NF1: variants seen among roughly 807,000 people sequenced by gnomAD.
The protein encoded by NF1 is neurofibromin.
NF1 carries 122 observed loss-of-function variants against 325.7 expected under a neutral mutation model. That is an observed-to-expected ratio of 0.37 (90% CI 0.32 to 0.44). The LOEUF is 0.44. Ranked by LOEUF, NF1 falls within the 20% of genes least tolerant of loss-of-function variation. The probability of loss-of-function intolerance (pLI) is 1.00; values close to 1 mark genes in which losing one functional copy is unlikely to be tolerated. For missense variants in NF1, 2,140 were observed against 3,415.4 expected, an observed-to-expected ratio of 0.63 and a Z score of 9.31; for synonymous variants, 1,091 against 1,186.0, an observed-to-expected ratio of 0.92 and a Z score of 1.65.
Position 31,360,651 on chromosome 17 carries a change from C to G in NF1, c.8325C>G (p.Asn2775Lys), listed in dbSNP as rs2151588142. Reference protein sequence around the residue: ...ALQSQLSITANLNLSNSMTSL... With the variant: ...ALQSQLSITAKLNLSNSMTSL... Reference sequence around the variant, plus strand: ...AGAGCCAGCTTAGTATCACTGCCAACCTTAACCTTTCTAATTCCATGACCT... The same window carrying G: ...AGAGCCAGCTTAGTATCACTGCCAAGCTTAACCTTTCTAATTCCATGACCT... The change falls in exon 57 of 58, where the codon AAC (asparagine) becomes AAG (lysine). Residue 2775 changes from asparagine to lysine, a missense_variant. Asn to Lys is a moderately conservative substitution (Grantham distance 94, BLOSUM62 0). Around this residue, in one of 10 missense-constraint regions of NF1, gnomAD observed 522 missense variants for 749.0 expected, o/e 0.70. Coordinates refer to ENST00000358273, the MANE Select transcript of NF1 (RefSeq NM_001042492.3). The G allele has an allele frequency of 6.2e-7, 1 of 1,614,122 alleles. No individual in the cohort carries two copies. Among genetic ancestry groups the G allele is most frequent in the Non-Finnish European group, 8.5e-7 (1 of 1,180,014 alleles).
At chr17:31,286,035 G>A (rs536821587) in intron 36 of NF1, among the ~76,000 whole-genome samples, 133 of 152,180 alleles carry the variant, frequency 8.7e-4, no homozygotes, top group African/African-American at 2.9e-3. Context: ...GTTAATATAC[G>A]AATATTTTTT....
chr17:31,265,390 C>T, intron 36 of NF1, 51 bp downstream of exon 36: 1 of 1,345,074 alleles, frequency 7.4e-7, no homozygotes, highest in Non-Finnish European at 1.1e-6. Context: ...TAAATTATAG[C>T]AAATATAGAG....
intron 57 of NF1, chr17:31,361,081 CAAAAAAAAAAAAAAAAAAA>C (rs60249232): frequency 4.3e-5 from 2 of 46,518 alleles, no homozygotes; most frequent in Admixed American, 3.7e-4. Context: ...CATACTATAT[CAAAAAAAAAAAAAAAAAAA>C]AAAAAAAAGA....
At chr17:31,355,625 G>A (rs1157598454) in intron 51 of NF1, among the ~76,000 whole-genome samples, 1 of 152,204 alleles carries the variant, frequency 6.6e-6, no homozygotes, top group African/African-American at 2.4e-5. Context: ...CAAGGCAGGT[G>A]GATTGCTTGA....
chr17:31,111,617 C>CA (rs1046533917), intron 1 of NF1, among the ~76,000 whole-genome samples: 1 of 151,968 alleles, frequency 6.6e-6, no homozygotes, highest in South Asian at 2.1e-4. Flanking sequence ...TAAATGTTGG[C>CA]AAAAAAACCT....
chr17:31,248,936 A>G (rs1014938927), intron 29 of NF1, 48 bp from the exon 30 acceptor site: 1 of 1,593,818 alleles, frequency 6.3e-7, no homozygotes. Context: ...GATTTTTGTT[A>G]TTTGTTTTAA....
chr17:31,157,584 A>G (rs1041888158), intron 2 of NF1, among the ~76,000 whole-genome samples: 1 of 152,160 alleles, frequency 6.6e-6, no homozygotes, highest in Admixed American at 6.5e-5. Context: ...CACTAGGGTA[A>G]TTAGCATATC....
chr17:31,324,958 A>G (rs2069305103), intron 36 of NF1, among the ~76,000 whole-genome samples: 1 of 152,162 alleles, frequency 6.6e-6, no homozygotes, highest in South Asian at 2.1e-4. Context: ...CATATGGAAA[A>G]CTTTGGGCCT....
intron 10 of NF1, 79 bp downstream of exon 10, chr17:31,201,238 A>G: frequency 6.4e-7 from 1 of 1,571,098 alleles, no homozygotes; most frequent in Non-Finnish European, 8.7e-7. Flanking sequence ...AGAGATTAAT[A>G]GGTTCACTTT....
intron 33 of NF1, among the ~76,000 whole-genome samples, chr17:31,260,117 T>G (rs1228307412): frequency 6.6e-6 from 1 of 152,160 alleles, no homozygotes; most frequent in Non-Finnish European, 1.5e-5. Flanking sequence ...CTTTCCAAAG[T>G]TTCATCCATC....
rs111961806 is a variant in NF1, at chr17:31,143,831, T to C, written c.61-12152T>C. ...TTTCTTTTCTTTTCTTTTTTTTGTT[T>C]TGTTTTTTGAGACAGAGACTCGCTC... On this transcript the variant is annotated intron_variant, in intron 1 of 57. Transcript: ENST00000358273. 3.6e-3 allele frequency among the ~76,000 whole-genome samples: 543 copies of C among 152,178 alleles called. 1 individual carries two copies. Among genetic ancestry groups the C allele is most frequent in the Admixed American group, 7.9e-3 (121 of 15,272 alleles).
chr17:31,205,455 T>C lies in NF1; in HGVS notation c.1261-785T>C, dbSNP rs17885808. ...TATTAAATGATAGACTTTAAAGATA[T>C]AGTGATTTTCACAATTGTCATTTTT... On this transcript the variant is annotated intron_variant, in intron 11 of 57. Transcript: ENST00000358273. 7.0e-3 allele frequency among the ~76,000 whole-genome samples: 1,070 copies of C among 152,282 alleles called. 11 individuals carry two copies. Among genetic ancestry groups the C allele is most frequent in the Middle Eastern group, 0.024 (7 of 294 alleles).
intron 36 of NF1, among the ~76,000 whole-genome samples, chr17:31,312,490 G>A (rs2151518532): frequency 6.7e-6 from 1 of 149,168 alleles, no homozygotes; most frequent in South Asian, 2.1e-4. Context: ...CTGCACACCA[G>A]CCTGGGTGAC....
intron 31 of NF1, among the ~76,000 whole-genome samples, chr17:31,257,364 T>G (rs2067600553): frequency 6.6e-6 from 1 of 152,160 alleles, no homozygotes; most frequent in Non-Finnish European, 1.5e-5. Flanking sequence ...AAGTGTTCTT[T>G]AAAAATGAAC....
chr17:31,358,501 G>A lies in NF1; in HGVS notation c.7992G>A (p.Lys2664=), dbSNP rs1060500377. The change falls in exon 55 of 58, where the codon AAG becomes AAA. Residue 2664 remains lysine (K), a synonymous_variant. Coordinates refer to ENST00000358273, the MANE Select transcript of NF1 (RefSeq NM_001042492.3). ...FPVVHNLLDS[K]INTLLSLCQD... is the part of the protein sequence containing the mutation. ...TTAGGCATAATTTGTTGGACTCTAAGATCAACACCCTGTTATCATTGTGCC... is the reference window on the plus strand; with the variant it reads ...TTAGGCATAATTTGTTGGACTCTAAAATCAACACCCTGTTATCATTGTGCC... 1 of 1,613,600 alleles carries A rather than the reference G, an allele frequency of 6.2e-7. No individual in the cohort carries two copies. Among genetic ancestry groups the A allele is most frequent in the Non-Finnish European group, 8.5e-7 (1 of 1,179,862 alleles).
intron 2 of NF1, among the ~76,000 whole-genome samples, chr17:31,157,758 G>C (rs535114152): frequency 7.1e-6 from 1 of 140,380 alleles, no homozygotes; most frequent in Non-Finnish European, 1.5e-5. Context: ...AGGAGATCAA[G>C]ACCATCCTGT....
At chr17:31,188,036 A>G (rs1597666525) in intron 8 of NF1, among the ~76,000 whole-genome samples, 1 of 152,162 alleles carries the variant, frequency 6.6e-6, no homozygotes, top group South Asian at 2.1e-4. Context: ...TAGTATTACC[A>G]TGTATTGCCA....
rs2067574777 is a variant in NF1, at chr17:31,255,885, G to A, written c.4174-2459G>A. On this transcript the variant is annotated intron_variant, in intron 31 of 57. Coordinates refer to ENST00000358273, the MANE Select transcript of NF1 (RefSeq NM_001042492.3). ...TTTTACTAGCATAAAAAATAAAACAGTATTTTGAAAGCTCTCCATGTGTTT... is the reference window on the plus strand; with the variant it reads ...TTTTACTAGCATAAAAAATAAAACAATATTTTGAAAGCTCTCCATGTGTTT... 2.0e-5 allele frequency among the ~76,000 whole-genome samples: 3 copies of A among 152,194 alleles called. 1 individual carries two copies. The South Asian group carries it at 6.2e-4, about 31-fold the overall frequency.
chr17:31,134,928 A>G (rs140750955), intron 1 of NF1, among the ~76,000 whole-genome samples: 1 of 152,264 alleles, frequency 6.6e-6, no homozygotes, highest in African/African-American at 2.4e-5. Context: ...ATGAGAGAGG[A>G]TGACACACGG....
Sources: allele counts gnomAD v4.1 joint callset (sites outside exome capture counted in the v4.1 genomes callset), GRCh38; gene constraint gnomAD v4.1.1; regional missense constraint gnomAD v4.1.1; transcripts MANE v1.5; gene names NCBI Gene and HGNC (gene_info 2026-07-23, HGNC 2026-07-21).